IGSF10: variants seen among roughly 807,000 people sequenced by gnomAD.
IGSF10 encodes immunoglobulin superfamily member 10.
IGSF10 carries 126 observed loss-of-function variants against 128.2 expected under a neutral mutation model. That is an observed-to-expected ratio of 0.98 (90% CI 0.85 to 1.14). IGSF10 has a LOEUF of 1.14. Ranked by LOEUF, IGSF10 falls within the 50% of genes most tolerant of loss-of-function variation. The pLI is 0.00. For missense variants in IGSF10, 3,295 were observed against 3,149.8 expected (o/e 1.05, Z -1.10); for synonymous variants, 1,185 against 1,146.2 (o/e 1.03, Z -0.68).
the IGSF10 span, among the ~76,000 whole-genome samples, chr3:151,521,469 T>C: frequency 6.6e-6 from 1 of 151,972 alleles, no homozygotes; most frequent in East Asian, 1.9e-4. Flanking sequence ...CATAAAACAA[T>C]CCTCAGCAAA....
In IGSF10 at chr3:151,448,321, T is replaced by A. The variant is rs1052444448; in HGVS notation, c.1660A>T (p.Ser554Cys). ...AGAATATCTGCATCATCATAATTGC[T>A]GCTTATACAGTGATATACGCCTGTG... is the stretch of plus-strand genomic sequence containing the variant. ...FDTGVYHCISSNYDDADILTY... is the reference protein window; with the variant it reads ...FDTGVYHCISCNYDDADILTY... The change falls in exon 6 of 8, where the codon AGC becomes TGC. Residue 554 changes from serine (S) to cysteine (C), a missense_variant. Transcript: ENST00000282466. 2 of 1,614,124 alleles carry A rather than the reference T, an allele frequency of 1.2e-6. No individual in the cohort carries two copies. Among genetic ancestry groups the A allele is most frequent in the African/African-American group, 2.7e-5 (2 of 74,946 alleles).
At chr3:151,450,103 C>T (rs190288808) in intron 5 of IGSF10, among the ~76,000 whole-genome samples, 82 of 152,314 alleles carry the variant, frequency 5.4e-4, no homozygotes, top group African/African-American at 1.9e-3. Flanking sequence ...GCAAGTCTTA[C>T]AGCACTAGGA....
At chr3:151,554,877 A>C in the IGSF10 span, among the ~76,000 whole-genome samples, 1 of 152,180 alleles carries the variant, frequency 6.6e-6, no homozygotes, top group Non-Finnish European at 1.5e-5. Context: ...GTTCGAGGCT[A>C]TCCAGAGATC....
At chr3:151,498,780 C>G in the IGSF10 span, among the ~76,000 whole-genome samples, 1 of 152,068 alleles carries the variant, frequency 6.6e-6, no homozygotes, top group Non-Finnish European at 1.5e-5. Flanking sequence ...AGAATTTTTC[C>G]CCCATAATGG....
chr3:151,538,532 G>A, the IGSF10 span, among the ~76,000 whole-genome samples: 2 of 151,914 alleles, frequency 1.3e-5, no homozygotes, highest in African/African-American at 2.4e-5. Context: ...GTAAGTCTTC[G>A]GATTATTCAT....
the IGSF10 span, among the ~76,000 whole-genome samples, chr3:151,600,790 A>C: frequency 7.2e-5 from 11 of 152,242 alleles, no homozygotes; most frequent in Middle Eastern, 0.01. Flanking sequence ...AAATCTTTGC[A>C]AGACTGATAG....
At chr3:151,607,780 A>G in the IGSF10 span, among the ~76,000 whole-genome samples, 7 of 151,492 alleles carry the variant, frequency 4.6e-5, no homozygotes, top group African/African-American at 7.3e-5. Flanking sequence ...GTGTGGTGGC[A>G]GGCGCCTGTA....
chr3:151,443,267 A>C lies in IGSF10; in HGVS notation c.5680T>G (p.Leu1894Val), dbSNP rs754963080. The C allele has an allele frequency of 1.1e-5, 17 of 1,612,008 alleles. No individual in the cohort carries two copies. Among genetic ancestry groups the C allele is most frequent in the Non-Finnish European group, 8.5e-7 (1 of 1,178,788 alleles). ...VKPLQFTNSK[L>V]FLFSNGTLYI... ...AAAGTCCCATTTGAAAATAAGAACA[A>C]CTTGGAATTGGTAAACTGTAATGGT... Residue 1894 changes from leucine (L) to valine (V), a missense_variant, in exon 7 of 8, where the codon TTG becomes GTG. Leu to Val is a conservative substitution (Grantham distance 32, BLOSUM62 1). Transcript: ENST00000282466.
chr3:151,468,096 T>C, the IGSF10 span, among the ~76,000 whole-genome samples: 320 of 152,322 alleles, frequency 2.1e-3, 3 homozygotes, highest in African/African-American at 7.4e-3. Flanking sequence ...CAAGGAGTAT[T>C]TCCTGCAGGG....
At chr3:151,617,454 C>T in the IGSF10 span, among the ~76,000 whole-genome samples, 1 of 149,806 alleles carries the variant, frequency 6.7e-6, no homozygotes, top group Non-Finnish European at 1.5e-5. Context: ...AATGCTTGTT[C>T]TATTCCTGTC....
the IGSF10 span, among the ~76,000 whole-genome samples, chr3:151,467,788 G>C: frequency 2.0e-5 from 3 of 151,830 alleles, no homozygotes; most frequent in Non-Finnish European, 4.4e-5. Flanking sequence ...GGAGGCTGAG[G>C]CAGGAGAATG....
Position 151,443,871 on chromosome 3 carries a change from A to T in IGSF10, c.5076T>A (p.Ser1692=). The T allele has an allele frequency of 6.3e-7, 1 of 1,593,134 alleles. No individual in the cohort carries two copies. The highest frequency in any genetic ancestry group is 1.1e-5 in the South Asian group (1 of 89,198). ...WTRVPSGLDL[S]KRKQNSRVQV... ...GGACCCTGCTATTCTGTTTCCTCTT[A>T]GATAAATCAAGTCCTGAGAAGAAAA... is the stretch of plus-strand genomic sequence containing the variant. The change falls in exon 7 of 8, where the codon TCT becomes TCA. Residue 1692 remains serine (S), a synonymous_variant. Coordinates refer to ENST00000282466, the MANE Select transcript of IGSF10 (RefSeq NM_178822.5).
chr3:151,618,729 CA>C, the IGSF10 span, among the ~76,000 whole-genome samples: 20 of 107,514 alleles, frequency 1.9e-4, no homozygotes, highest in Admixed American at 5.9e-4. Flanking sequence ...GACTCCATCT[CA>C]AAAAAAAATA....
rs139997081 is a variant in IGSF10 at position 151,453,718 on chromosome 3, G to A, written c.381C>T (p.Gly127=). The A allele has an allele frequency of 1.3e-6, 2 of 1,599,934 alleles. No homozygotes were observed. The highest frequency in any genetic ancestry group is 2.2e-5 in the East Asian group (1 of 44,792). Residue 127 remains glycine (G), a synonymous_variant, in exon 5 of 8, where the codon GGC becomes GGT. Transcript: ENST00000282466. ...TGTGCAATCGTGTCAAGCTCCTGAG[G>A]CCATAAAAAGTATCTTTCTGAAGTT... ...VRKLQKDTFY[G]LRSLTRLHMD...
Position 151,436,786 on chromosome 3 carries a change from A to G in IGSF10, c.7775T>C (p.Ile2592Thr). 1 of 1,614,146 alleles carries G rather than the reference A, an allele frequency of 6.2e-7. No homozygotes were observed. The highest frequency in any genetic ancestry group is 8.5e-7 in the Non-Finnish European group (1 of 1,180,008). The change falls in exon 8 of 8, where the codon ATT (isoleucine) becomes ACT (threonine). Residue 2592 changes from isoleucine to threonine, a missense_variant. Coordinates refer to ENST00000282466, the MANE Select transcript of IGSF10 (RefSeq NM_178822.5). Reference protein sequence around the residue: ...EQLHLQGTLVIQNPQTSDSGI... With the variant: ...EQLHLQGTLVTQNPQTSDSGI... ...AGAATCGGAGGTTTGGGGATTCTGA[A>G]TGACTAGGGTACCTTGTAAGTGAAG...
At chr3:151,462,356 A>C (rs898467480), upstream of IGSF10, among the ~76,000 whole-genome samples, 3 of 152,204 alleles carry the variant, frequency 2.0e-5, no homozygotes, top group African/African-American at 7.2e-5. Context: ...AAACTGTACG[A>C]AGGAGGCTTA....
the IGSF10 span, among the ~76,000 whole-genome samples, chr3:151,589,488 G>C: frequency 9.1e-4 from 139 of 152,286 alleles, no homozygotes; most frequent in African/African-American, 3.2e-3. Flanking sequence ...CAGAGACCAT[G>C]TTGCCTTTGG....
At chr3:151,560,490 T>C in the IGSF10 span, among the ~76,000 whole-genome samples, 1 of 152,126 alleles carries the variant, frequency 6.6e-6, no homozygotes, top group African/African-American at 2.4e-5. Flanking sequence ...CCCAATGATT[T>C]GATTTATGTT....
At chr3:151,596,189 T>C in the IGSF10 span, among the ~76,000 whole-genome samples, 1 of 152,314 alleles carries the variant, frequency 6.6e-6, no homozygotes, top group Middle Eastern at 3.4e-3. Context: ...ACTGTCACTA[T>C]TGTAAATTTT....
Sources: gnomAD v4.1 joint callset for allele counts (sites outside exome capture counted in the v4.1 genomes callset) on GRCh38, gnomAD v4.1.1 for gene constraint, MANE v1.5 for transcripts, NCBI Gene and HGNC (gene_info 2026-07-23, HGNC 2026-07-21) for gene names.